The following RAP1GAP2 variants were observed in gnomAD, a reference collection of about 807,000 sequenced individuals.
RAP1GAP2 encodes RAP1 GTPase activating protein 2.
Under a neutral mutation model 95.0 loss-of-function variants are expected in RAP1GAP2, and 27 were observed. That is an observed-to-expected ratio of 0.28 (90% CI 0.21 to 0.39). The LOEUF is 0.39. Among genes scored for constraint, RAP1GAP2 ranks in the 10% least tolerant of loss-of-function variants. RAP1GAP2 has a pLI of 1.00. For synonymous variants in RAP1GAP2, 373 were observed against 380.9 expected (o/e 0.98, Z 0.24); for missense variants, 771 against 970.0 (o/e 0.79, Z 2.72).
rs1326780266 is a variant in RAP1GAP2 at position 2,788,410 on chromosome 17, C to G, written c.-14+11132C>G. Reference sequence around the variant, plus strand: ...TCCCTGATTCAAGCAGTTCTCCTGCCTCAGCCTCCTGAGTAGCTGGGATTA... The same window carrying G: ...TCCCTGATTCAAGCAGTTCTCCTGCGTCAGCCTCCTGAGTAGCTGGGATTA... On this transcript the variant is annotated intron_variant, in intron 1 of 24. Transcript: ENST00000540393. 2.2e-4 allele frequency among the ~76,000 whole-genome samples: 33 copies of G among 152,194 alleles called. 1 individual carries two copies. The highest frequency in any genetic ancestry group is 2.2e-3 in the Admixed American group (33 of 15,282).
In RAP1GAP2 at chr17:2,942,600, C is replaced by T. The variant is rs368053766; in HGVS notation, c.166-15159C>T. Among the ~76,000 whole-genome samples, 105 of 152,184 alleles carry T rather than the reference C, an allele frequency of 6.9e-4. 3 individuals are homozygous for T. In the South Asian group the frequency reaches 0.019, roughly 28 times the overall value. ...TAGTGGCCGCCCCCTTTGGAATGGC[C>T]GTGTGCTCTTCAGTGTACCATTGTC... On this transcript the variant is annotated intron_variant, in intron 3 of 24. Coordinates refer to ENST00000254695, the MANE Select transcript of RAP1GAP2 (RefSeq NM_015085.5).
chr17:2,793,238 C>G (rs926708312), upstream of RAP1GAP2, among the ~76,000 whole-genome samples: 10 of 151,584 alleles, frequency 6.6e-5, no homozygotes, highest in African/African-American at 2.4e-4. Context: ...ACTGCAACCT[C>G]TGCCTCCCAG....
Position 2,902,795 on chromosome 17 carries a change from C to CCAGTAGAGACCGGCCCCAGGAGCTT in RAP1GAP2, c.81-2489_81-2488insCAGTAGAGACCGGCCCCAGGAGCTT, listed in dbSNP as rs2042067510. Among the ~76,000 whole-genome samples the CCAGTAGAGACCGGCCCCAGGAGCTT allele has an allele frequency of 6.6e-6, 1 of 152,176 alleles. No individual in the cohort carries two copies. Among genetic ancestry groups the CCAGTAGAGACCGGCCCCAGGAGCTT allele is most frequent in the Non-Finnish European group, 1.5e-5 (1 of 68,034 alleles). On this transcript the variant is annotated intron_variant, in intron 2 of 24. Coordinates refer to ENST00000254695, the MANE Select transcript of RAP1GAP2 (RefSeq NM_015085.5). The surrounding 1 kb of genome is among the most constrained non-coding windows in gnomAD (Gnocchi z 4.1). ...AGACCGGCCCCAGGAGCTTATCCAG[C>CCAGTAGAGACCGGCCCCAGGAGCTT]ATCCAGGGGGAAAAGGCAGGGGAGA... is the stretch of plus-strand genomic sequence containing the variant.
intron 3 of RAP1GAP2, among the ~76,000 whole-genome samples, chr17:2,927,326 T>A (rs1270427535): frequency 6.6e-6 from 1 of 152,052 alleles, no homozygotes; most frequent in Non-Finnish European, 1.5e-5. Flanking sequence ...GCTAATTTTT[T>A]GTATTTTTAG....
chr17:2,772,959 A>G (rs1266919753), upstream of RAP1GAP2, among the ~76,000 whole-genome samples: 1 of 150,444 alleles, frequency 6.6e-6, no homozygotes, highest in Non-Finnish European at 1.5e-5. Flanking sequence ...CCTGGGTTCA[A>G]ATGATTCTCC....
chr17:3,007,594 G>T (rs1441302454), intron 16 of RAP1GAP2, among the ~76,000 whole-genome samples: 2 of 152,184 alleles, frequency 1.3e-5, no homozygotes, highest in Non-Finnish European at 2.9e-5. Flanking sequence ...TGCTGAAAGG[G>T]CCAGTCCTCA....
At chr17:2,769,729 C>G (rs970770543) in intron 1 of RAP1GAP2, among the ~76,000 whole-genome samples, 2 of 152,094 alleles carry the variant, frequency 1.3e-5, no homozygotes, top group African/African-American at 4.8e-5. Context: ...GGGGAACTTA[C>G]TCCTTCCAAG....
intron 17 of RAP1GAP2, among the ~76,000 whole-genome samples, chr17:3,013,332 A>T (rs1308202394): frequency 6.6e-6 from 1 of 152,098 alleles, no homozygotes. Context: ...TTTCCTCCTG[A>T]TGGGGAGTTG....
At chr17:2,851,848 T>G (rs567481287) in intron 2 of RAP1GAP2, among the ~76,000 whole-genome samples, 6 of 152,328 alleles carry the variant, frequency 3.9e-5, no homozygotes, top group South Asian at 4.1e-4. Flanking sequence ...TCCAAAGTGC[T>G]GGGATTACAG....
intron 2 of RAP1GAP2, among the ~76,000 whole-genome samples, chr17:2,818,589 AAGTTTTGGG>A (rs1567675999): frequency 6.6e-6 from 1 of 151,874 alleles, no homozygotes; most frequent in Non-Finnish European, 1.5e-5. Context: ...TGGCCTCCCA[AAGTTTTGGG>A]ATTGCAGGTG....
intron 14 of RAP1GAP2, among the ~76,000 whole-genome samples, chr17:2,999,847 C>A (rs1189108995): frequency 6.6e-6 from 1 of 152,120 alleles, no homozygotes; most frequent in Non-Finnish European, 1.5e-5. Context: ...CAATAGCAAC[C>A]CCCTCCTGTT....
chr17:2,838,055 A>G (rs1298111551), intron 2 of RAP1GAP2, among the ~76,000 whole-genome samples: 1 of 85,964 alleles, frequency 1.2e-5, no homozygotes, highest in African/African-American at 4.9e-5. Flanking sequence ...GTCTCGCCTT[A>G]TCACCCAGGC....
At chr17:2,768,700 A>G (rs1274138957) in intron 1 of RAP1GAP2, among the ~76,000 whole-genome samples, 1 of 151,574 alleles carries the variant, frequency 6.6e-6, no homozygotes, top group East Asian at 1.9e-4. Context: ...CTCAAAAAAA[A>G]AAAAAAAAAA....
At chr17:3,007,211 T>A (rs2046369667) in intron 16 of RAP1GAP2, among the ~76,000 whole-genome samples, 1 of 152,064 alleles carries the variant, frequency 6.6e-6, no homozygotes, top group Non-Finnish European at 1.5e-5. Flanking sequence ...TTGGATCAGA[T>A]CCAGAAGGGC....
chr17:2,972,254 A>C (rs755947023), intron 8 of RAP1GAP2, among the ~76,000 whole-genome samples: 4 of 152,224 alleles, frequency 2.6e-5, no homozygotes, highest in Non-Finnish European at 4.4e-5. Context: ...TTAAACTTTA[A>C]AGGAGCAGAT....
chr17:3,013,686 C>T (rs2046652177), intron 17 of RAP1GAP2, among the ~76,000 whole-genome samples: 1 of 108,258 alleles, frequency 9.2e-6, no homozygotes, highest in African/African-American at 3.6e-5. Context: ...GGTTTCTAAT[C>T]ATCCTTCAGT....
Position 2,916,575 on chromosome 17 carries a change from C to G in RAP1GAP2, c.165+11207C>G, listed in dbSNP as rs7359618. Among the ~76,000 whole-genome samples, 69 of 152,212 alleles carry G rather than the reference C, an allele frequency of 4.5e-4. 1 individual carries two copies. The highest frequency in any genetic ancestry group is 1.6e-3 in the African/African-American group (68 of 41,532). On this transcript the variant is annotated intron_variant, in intron 3 of 24. Coordinates refer to ENST00000254695, the MANE Select transcript of RAP1GAP2 (RefSeq NM_015085.5). ...TTCCCCACCTCTACAGACTGCTCTG[C>G]GTGAATCATTTCAACAGGTCGCTTC... is the stretch of plus-strand genomic sequence containing the variant.
In RAP1GAP2 at chr17:2,998,253, C is replaced by G; in HGVS notation, c.1077C>G (p.Ile359Met). The change falls in exon 14 of 25, where the codon ATC becomes ATG. Residue 359 changes from isoleucine (I) to methionine (M), a missense_variant. Ile to Met is a conservative substitution (Grantham distance 10). Coordinates refer to ENST00000254695, the MANE Select transcript of RAP1GAP2 (RefSeq NM_015085.5). ...LQRKRHIGND[I>M]VAIIFQEENT... ...GAAAGAGACACATTGGAAATGACAT[C>G]GTGGCCATCATCTTCCAAGAGGAAA... The G allele has an allele frequency of 6.2e-7, 1 of 1,613,978 alleles. No homozygotes were observed. Among genetic ancestry groups the G allele is most frequent in the Non-Finnish European group, 8.5e-7 (1 of 1,179,828 alleles).
At chr17:2,980,232 C>T (rs561266095) in intron 8 of RAP1GAP2, 55 bp from the exon 9 acceptor site, 135 of 1,570,338 alleles carry the variant, frequency 8.6e-5, no homozygotes, top group African/African-American at 4.4e-4. Context: ...CACGAGTCCC[C>T]GCGCCCTCAC....
Sources: allele counts gnomAD v4.1 joint callset (sites outside exome capture counted in the v4.1 genomes callset), GRCh38; gene constraint gnomAD v4.1.1; non-coding constraint Gnocchi (gnomAD v3.1); transcripts MANE v1.5; gene names NCBI Gene and HGNC (gene_info 2026-07-23, HGNC 2026-07-21).